MC2R: variants seen among roughly 807,000 people sequenced by gnomAD.
MC2R encodes the protein adrenocorticotropic hormone receptor.
In MC2R, 9 loss-of-function variants were observed where a neutral mutation model predicts 9.8. The ratio of observed to expected loss-of-function variants is 0.92; its 90% CI spans 0.55 to 1.60. The LOEUF (loss-of-function observed/expected upper bound fraction) is 1.60, where lower values mean the gene tolerates loss of function less well. MC2R is among the 40% of genes most tolerant of loss of function. The pLI is 0.00. For synonymous variants in MC2R, 185 were observed against 154.7 expected, an observed-to-expected ratio of 1.20 and a Z score of -1.45; for missense variants, 370 against 389.0, an observed-to-expected ratio of 0.95 and a Z score of 0.41.
At chr18:13,903,484 A>G (rs942555558) in intron 1 of MC2R, among the ~76,000 whole-genome samples, 1 of 152,364 alleles carries the variant, frequency 6.6e-6, no homozygotes, top group Admixed American at 6.5e-5. Context: ...AATATGGTAC[A>G]TATACAAAAT....
At chr18:13,898,465 A>G (rs2045359395) in intron 1 of MC2R, among the ~76,000 whole-genome samples, 1 of 152,200 alleles carries the variant, frequency 6.6e-6, no homozygotes, top group African/African-American at 2.4e-5. Context: ...CCTGAAAGGA[A>G]AGACACAGGC....
chr18:13,898,057 T>A (rs1046627712), intron 1 of MC2R, among the ~76,000 whole-genome samples: 17 of 151,330 alleles, frequency 1.1e-4, no homozygotes, highest in African/African-American at 3.6e-4. Flanking sequence ...TGGAATAGAG[T>A]ACCAAGCAGG....
intron 1 of MC2R, among the ~76,000 whole-genome samples, chr18:13,908,742 G>GTGTGTT (rs374637581): frequency 6.7e-6 from 1 of 148,314 alleles, no homozygotes; most frequent in Non-Finnish European, 1.5e-5. Context: ...GTGTGTGTGT[G>GTGTGTT]TATTTCAAGC....
At chr18:13,888,273 G>A (rs1185510843) in intron 1 of MC2R, among the ~76,000 whole-genome samples, 1 of 152,096 alleles carries the variant, frequency 6.6e-6, no homozygotes, top group South Asian at 2.1e-4. Context: ...TGCCCATGGG[G>A]TCCCTTCAAA....
chr18:13,892,586 C>T (rs894434884), intron 1 of MC2R, among the ~76,000 whole-genome samples: 5 of 151,936 alleles, frequency 3.3e-5, no homozygotes, highest in African/African-American at 9.7e-5. Flanking sequence ...GCTTGAACAG[C>T]GTAGAACAAT....
At position 13,902,242 on chromosome 18, in the gene MC2R, A is replaced by G. The variant is rs934642810; in HGVS notation, c.-129+13246T>C. ...ATCAAAAAAACTGGGTAGAGAAGGA[A>G]CATACCTCAACATAATAAAAGCTAT... On this transcript the variant is annotated intron_variant, in intron 1 of 1. Transcript: ENST00000327606. Among the ~76,000 whole-genome samples, 3 of 152,180 alleles carry G rather than the reference A, an allele frequency of 2.0e-5. No homozygotes were observed. The East Asian group carries it at 5.8e-4, about 29-fold the overall frequency.
chr18:13,907,885 G>A (rs1390369303), intron 1 of MC2R, among the ~76,000 whole-genome samples: 2 of 152,130 alleles, frequency 1.3e-5, no homozygotes, highest in Non-Finnish European at 2.9e-5. Flanking sequence ...GATATCGGAT[G>A]CTGGTGAGGA....
chr18:13,893,811 G>C (rs1358535119), intron 1 of MC2R, among the ~76,000 whole-genome samples: 1 of 152,226 alleles, frequency 6.6e-6, no homozygotes. Flanking sequence ...CACTGACGTG[G>C]AGAGGCTGAG....
chr18:13,892,689 C>T (rs1484442050), intron 1 of MC2R, among the ~76,000 whole-genome samples: 1 of 151,990 alleles, frequency 6.6e-6, no homozygotes, highest in Non-Finnish European at 1.5e-5. Context: ...CTTGACACCC[C>T]ATGGTTCAGT....
chr18:13,890,289 G>A (rs2045308295), intron 1 of MC2R, among the ~76,000 whole-genome samples: 1 of 152,198 alleles, frequency 6.6e-6, no homozygotes, highest in Non-Finnish European at 1.5e-5. Flanking sequence ...GGGTTCCGTG[G>A]ATCTTGCTGA....
At chr18:13,909,426 C>A (rs1022190427) in intron 1 of MC2R, among the ~76,000 whole-genome samples, 1 of 152,188 alleles carries the variant, frequency 6.6e-6, no homozygotes, top group African/African-American at 2.4e-5. Context: ...ATAATGGATT[C>A]TTTGGAAGGA....
intron 1 of MC2R, among the ~76,000 whole-genome samples, chr18:13,890,282 T>A (rs547968793): frequency 7.2e-5 from 11 of 152,250 alleles, no homozygotes; most frequent in Admixed American, 6.5e-4. Context: ...GTTTTTGGGG[T>A]TCCGTGGATC....
chr18:13,897,485 C>T (rs1480928937), intron 1 of MC2R, among the ~76,000 whole-genome samples: 1 of 152,130 alleles, frequency 6.6e-6, no homozygotes, highest in East Asian at 1.9e-4. Flanking sequence ...GAACTAGGCC[C>T]AGAGACAGCG....
At chr18:13,896,906 G>C (rs544045824) in intron 1 of MC2R, among the ~76,000 whole-genome samples, 1 of 152,284 alleles carries the variant, frequency 6.6e-6, no homozygotes, top group African/African-American at 2.4e-5. Flanking sequence ...AATGCTACAT[G>C]ACAATTAAAA....
At chr18:13,891,182 T>C (rs759336352) in intron 1 of MC2R, among the ~76,000 whole-genome samples, 4 of 152,204 alleles carry the variant, frequency 2.6e-5, no homozygotes, top group Non-Finnish European at 5.9e-5. Flanking sequence ...AAAGAGAGTA[T>C]ATTGTATATC....
intron 1 of MC2R, among the ~76,000 whole-genome samples, chr18:13,896,303 C>T (rs1014314591): frequency 2.0e-5 from 3 of 152,164 alleles, no homozygotes; most frequent in Non-Finnish European, 4.4e-5. Flanking sequence ...GGTGATGTGA[C>T]ACCTAGAAGC....
intron 1 of MC2R, among the ~76,000 whole-genome samples, chr18:13,901,021 C>T (rs559273557): frequency 6.6e-6 from 1 of 151,850 alleles, no homozygotes; most frequent in Non-Finnish European, 1.5e-5. Flanking sequence ...TTAAAACATT[C>T]AAAAAAATTG....
At position 13,885,566 on chromosome 18, in the gene MC2R, A is replaced by C; in HGVS notation, c.-48T>G. 1 of 1,601,468 alleles carries C rather than the reference A, an allele frequency of 6.2e-7. No homozygotes were observed. Among genetic ancestry groups the C allele is most frequent in the Non-Finnish European group, 8.6e-7 (1 of 1,169,358 alleles). ...GGGGATGTTACTTGGACTTGACTTC[A>C]CGGAAAACTTGATTGATTCTTCAGG... is the stretch of plus-strand genomic sequence containing the variant. On this transcript the variant is annotated 5_prime_UTR_variant, in exon 2 of 2. Transcript: ENST00000327606.
At chr18:13,911,152 T>G (rs1002228463) in intron 1 of MC2R, among the ~76,000 whole-genome samples, 4 of 152,106 alleles carry the variant, frequency 2.6e-5, no homozygotes, top group African/African-American at 9.7e-5. Flanking sequence ...CCAGTAACAG[T>G]AGCAGGGACT....
Sources: allele counts gnomAD v4.1 joint callset (sites outside exome capture counted in the v4.1 genomes callset), GRCh38; gene constraint gnomAD v4.1.1; transcripts MANE v1.5; gene names NCBI Gene and HGNC (gene_info 2026-07-23, HGNC 2026-07-21).